CNTNAP3: variants seen among roughly 807,000 people sequenced by gnomAD.
CNTNAP3 encodes the protein contactin-associated protein-like 3.
Under a neutral mutation model 92.1 loss-of-function variants are expected in CNTNAP3, and 36 were observed. The ratio of observed to expected loss-of-function variants is 0.39; its 90% CI spans 0.30 to 0.52. The LOEUF (loss-of-function observed/expected upper bound fraction) is 0.52. CNTNAP3 is among the 20% of genes least tolerant of loss of function. CNTNAP3 has a pLI of 0.76. For missense variants in CNTNAP3, 534 were observed against 1,069.6 expected, an observed-to-expected ratio of 0.50 and a Z score of 6.98; for synonymous variants, 232 against 422.3, an observed-to-expected ratio of 0.55 and a Z score of 5.53.
At chr9:39,102,318 G>T (rs1182149653) in intron 17 of CNTNAP3, among the ~76,000 whole-genome samples, 179 bp downstream of exon 17, 1 of 151,362 alleles carries the variant, frequency 6.6e-6, no homozygotes, top group Non-Finnish European at 1.5e-5. Flanking sequence ...AACAAAAAAA[G>T]AAATGTCAAA....
chr9:39,076,696 T>C (rs1268120594), intron 23 of CNTNAP3, among the ~76,000 whole-genome samples: 1 of 152,310 alleles, frequency 6.6e-6, no homozygotes, highest in East Asian at 1.9e-4. Context: ...CGGCCGGGCA[T>C]GGTGGCTCAT....
intron 9 of CNTNAP3, among the ~76,000 whole-genome samples, chr9:39,157,563 G>A (rs1167094389): frequency 3.1e-5 from 3 of 96,534 alleles, no homozygotes; most frequent in Non-Finnish European, 4.6e-5. Context: ...AGCCACGATG[G>A]TCTCAATCTC....
chr9:39,144,466 C>T (rs1310171003), intron 10 of CNTNAP3, 120 bp from the exon 11 acceptor site: 2 of 1,444,650 alleles, frequency 1.4e-6, no homozygotes, highest in South Asian at 1.5e-5. Flanking sequence ...TGCAAGATAA[C>T]CCCACATGAC....
chr9:39,109,024 G>T (rs909374586), intron 15 of CNTNAP3, 136 bp downstream of exon 15: 9 of 1,361,990 alleles, frequency 6.6e-6, no homozygotes, highest in Non-Finnish European at 8.8e-6. Context: ...TTTATGGTAT[G>T]TGTGTTTTCC....
At chr9:39,107,894 T>C (rs1826645669) in intron 15 of CNTNAP3, among the ~76,000 whole-genome samples, 1 of 152,176 alleles carries the variant, frequency 6.6e-6, no homozygotes, top group East Asian at 1.9e-4. Context: ...TAGAAAAAAT[T>C]AACAGAATAA....
At chr9:39,087,252 T>A (rs926695788) in intron 19 of CNTNAP3, among the ~76,000 whole-genome samples, 7 of 152,270 alleles carry the variant, frequency 4.6e-5, no homozygotes, top group African/African-American at 1.7e-4. Flanking sequence ...TAACTTCTAA[T>A]AAGGCTCATT....
intron 14 of CNTNAP3, chr9:39,117,853 C>T: frequency 2.9e-6 from 2 of 700,060 alleles, no homozygotes; most frequent in Non-Finnish European, 4.3e-6. Flanking sequence ...GAGTGGAAAA[C>T]TTAACAGCTG....
At chr9:39,098,076 C>T (rs1466637807) in intron 18 of CNTNAP3, among the ~76,000 whole-genome samples, 124 of 147,162 alleles carry the variant, frequency 8.4e-4, no homozygotes, top group African/African-American at 2.9e-3. Context: ...ATTTGAAGAC[C>T]AACCCTCCTT....
intron 19 of CNTNAP3, among the ~76,000 whole-genome samples, chr9:39,087,481 ATT>A (rs201409748): frequency 9.0e-6 from 1 of 111,330 alleles, no homozygotes; most frequent in Non-Finnish European, 1.9e-5. Flanking sequence ...TTAATCGGAG[ATT>A]TTTTTTTTTG....
At chr9:39,080,252 C>T (rs887683365) in intron 21 of CNTNAP3, among the ~76,000 whole-genome samples, 2 of 142,392 alleles carry the variant, frequency 1.4e-5, no homozygotes, top group African/African-American at 5.5e-5. Flanking sequence ...AAATCTCCCA[C>T]CCTCAATATC....
intron 17 of CNTNAP3, among the ~76,000 whole-genome samples, chr9:39,100,952 C>A (rs1243529742): frequency 6.7e-6 from 1 of 150,360 alleles, no homozygotes; most frequent in African/African-American, 2.4e-5. Context: ...AAGGTGGGGG[C>A]CCCAAATCTG....
chr9:39,100,086 C>G lies in CNTNAP3; in HGVS notation c.2820G>C (p.Val940=). 1 of 1,581,466 alleles carries G rather than the reference C, an allele frequency of 6.3e-7. No homozygotes were observed. The highest frequency in any genetic ancestry group is 8.6e-7 in the Non-Finnish European group (1 of 1,162,022). Residue 940 remains valine, a synonymous_variant, in exon 18 of 24, where the codon GTG becomes GTC. Transcript: ENST00000297668. ...GCIRSLQLNG[V]ALDLEERATV... is the part of the protein sequence containing the mutation. Reference sequence around the variant, plus strand: ...TGGCTCTTTCTTCCAGATCCAGGGCCACCCCGTTCAACTGCAGAGACCGAA... The same window carrying G: ...TGGCTCTTTCTTCCAGATCCAGGGCGACCCCGTTCAACTGCAGAGACCGAA...
At chr9:39,107,850 A>T (rs550476494) in intron 15 of CNTNAP3, among the ~76,000 whole-genome samples, 1 of 152,220 alleles carries the variant, frequency 6.6e-6, no homozygotes, top group Non-Finnish European at 1.5e-5. Context: ...AAAAGAGAAC[A>T]GAATATTTCG....
chr9:39,083,150 G>A (rs2118405140), intron 21 of CNTNAP3, among the ~76,000 whole-genome samples: 1 of 151,946 alleles, frequency 6.6e-6, no homozygotes, highest in Non-Finnish European at 1.5e-5. Flanking sequence ...AAACTATTTG[G>A]CATTCTTACA....
rs968050715 is a variant in CNTNAP3 at position 39,065,852 on chromosome 9, GA to G, written c.*8037del. ...AAGAGTTCTTTATGAACTATATTCT[GA>G]AAAAAATTTACAGCATTCAAATAAA... On this transcript the variant is annotated 3_prime_UTR_variant, in exon 24 of 24. Coordinates refer to ENST00000297668, the MANE Select transcript of CNTNAP3 (RefSeq NM_033655.5). Among the ~76,000 whole-genome samples the G allele has an allele frequency of 0.025, 3,821 of 151,330 alleles. No individual in the cohort carries two copies. The highest frequency in any genetic ancestry group is 0.24 in the East Asian group (1,208 of 5,042).
chr9:39,157,481 A>G, intron 9 of CNTNAP3, among the ~76,000 whole-genome samples: 1 of 109,286 alleles, frequency 9.2e-6, no homozygotes, highest in Non-Finnish European at 2.0e-5. Flanking sequence ...CTGGGACTAC[A>G]GGCGCCCACC....
chr9:39,109,238 G>A lies in CNTNAP3; in HGVS notation c.2287C>T (p.Gln763Ter), dbSNP rs1826684468. 1 of 1,612,616 alleles carries A rather than the reference G, an allele frequency of 6.2e-7. No individual in the cohort carries two copies. The highest frequency in any genetic ancestry group is 2.2e-5 in the East Asian group (1 of 44,892). Reference sequence around the variant, plus strand: ...CGGCCTGCGTCTGTCATCACAATCTGAGTGACTGGCAGGTGCTCCTTTTGG... The same window carrying A: ...CGGCCTGCGTCTGTCATCACAATCTAAGTGACTGGCAGGTGCTCCTTTTGG... Reference protein sequence around the residue: ...LSQKEHLPVTQIVMTDAGRPH... With the variant: ...LSQKEHLPVT Residue 763 changes from glutamine to a stop codon, truncating the protein, a stop_gained, in exon 15 of 24, where the codon CAG becomes TAG. Coordinates refer to ENST00000297668, the MANE Select transcript of CNTNAP3 (RefSeq NM_033655.5). LOFTEE classifies it high-confidence loss of function.
chr9:39,128,420 G>C (rs1330609867), intron 13 of CNTNAP3, among the ~76,000 whole-genome samples: 1 of 151,882 alleles, frequency 6.6e-6, no homozygotes, highest in Non-Finnish European at 1.5e-5. Context: ...AGTTGCTCTA[G>C]TTATGCAAAG....
At chr9:39,100,442 G>A (rs940616187) in intron 17 of CNTNAP3, among the ~76,000 whole-genome samples, 1 of 152,054 alleles carries the variant, frequency 6.6e-6, no homozygotes, top group Non-Finnish European at 1.5e-5. Flanking sequence ...CCTTCACAAA[G>A]AACAAAATAC....
Sources: allele counts gnomAD v4.1 joint callset (sites outside exome capture counted in the v4.1 genomes callset), GRCh38; gene constraint gnomAD v4.1.1; transcripts MANE v1.5; gene names NCBI Gene and HGNC (gene_info 2026-07-23, HGNC 2026-07-21).